The following ZNF724 variants were observed in gnomAD, a reference collection of about 807,000 sequenced individuals.
ZNF724 encodes the protein zinc finger protein 724, also known as zinc finger protein 724 pseudogene.
A neutral mutation model predicts 29.3 loss-of-function variants in ZNF724; 14 were observed. That is an observed-to-expected ratio of 0.48 (90% CI 0.32 to 0.75). The LOEUF (loss-of-function observed/expected upper bound fraction) is 0.75, where lower values mean the gene tolerates loss of function less well. Among genes scored for constraint, ZNF724 ranks in the 30% least tolerant of loss-of-function variants. The pLI, the probability that ZNF724 is intolerant of heterozygous loss-of-function variation, is 0.04. For synonymous variants in ZNF724, 180 were observed against 193.6 expected, an observed-to-expected ratio of 0.93 and a Z score of 0.58; for missense variants, 557 against 571.2, an observed-to-expected ratio of 0.98 and a Z score of 0.25.
intron 3 of ZNF724, among the ~76,000 whole-genome samples, chr19:23,226,589 C>T (rs933493844): frequency 6.6e-6 from 1 of 152,110 alleles, no homozygotes; most frequent in African/African-American, 2.4e-5. Context: ...CAAAAATTAA[C>T]TTCAAATAAC....
At chr19:23,232,115 C>G in intron 2 of ZNF724, 52 bp downstream of exon 2, 1 of 1,220,362 alleles carries the variant, frequency 8.2e-7, no homozygotes, top group Non-Finnish European at 1.2e-6. Flanking sequence ...TACAAAAAAA[C>G]AAACGAAATA....
At position 23,222,256 on chromosome 19, in the gene ZNF724, C is replaced by T. The variant is rs973253059; in HGVS notation, c.*129G>A. 9.6e-5 allele frequency: 58 copies of T among 607,324 alleles called. No homozygotes were observed. In the Admixed American group the frequency reaches 1.0e-3, roughly 11 times the overall value. 37.6% of individuals were successfully genotyped at this position (607,324 alleles called of 1,614,324 possible). ...CACTGTTATATCTTTCAGGTTTGTA[C>T]GGTTTCTCTCCAGTAATTCTCTTCG... On this transcript the variant is annotated 3_prime_UTR_variant, in exon 4 of 4. Coordinates refer to ENST00000418100, the MANE Select transcript of ZNF724 (RefSeq NM_001355404.2).
Position 23,231,302 on chromosome 19 carries a change from TC to T in ZNF724, c.189del (p.Trp63Ter). ...GCCACCATCTCATGTCTCTCCATATTCCAGGGCTCTTTGCCTTGCTCCAGAC... is the reference window on the plus strand; with the variant it reads ...GCCACCATCTCATGTCTCTCCATATTCAGGGCTCTTTGCCTTGCTCCAGAC... The part of the protein sequence containing the change: ...ITCLEQGKEP[W>X]NMERHEMVAK... On this transcript the variant is annotated frameshift_variant, in exon 3 of 4. Transcript: ENST00000418100. LOFTEE classifies it low-confidence loss of function (END_TRUNC). 7.2e-7 allele frequency: 1 copy of T among 1,386,866 alleles called. No individual in the cohort carries two copies. Among genetic ancestry groups the T allele is most frequent in the Non-Finnish European group, 1.0e-6 (1 of 975,372 alleles). The allele number at this position is 1,386,866 out of a possible 1,614,324, so 85.9% of individuals were successfully genotyped here. A position where few individuals can be genotyped will look rare whatever the true frequency, so the allele number is the denominator to read the frequency against.
chr19:23,245,926 G>A lies in ZNF724; in HGVS notation c.3+4314C>T, dbSNP rs912184067. On this transcript the variant is annotated intron_variant, in intron 1 of 3. Coordinates refer to ENST00000418100, the MANE Select transcript of ZNF724 (RefSeq NM_001355404.2). ...TCCATCTTAACTGCATCTGTCTGTG[G>A]GTCCTCAGCTTTCCATGGCTCTATA... 4.6e-5 allele frequency among the ~76,000 whole-genome samples: 7 copies of A among 152,066 alleles called. No individual in the cohort carries two copies. The South Asian group carries it at 6.2e-4, about 14-fold the overall frequency.
At chr19:23,227,166 G>T (rs1431138251) in intron 3 of ZNF724, among the ~76,000 whole-genome samples, 2 of 152,108 alleles carry the variant, frequency 1.3e-5, no homozygotes. Flanking sequence ...ACTCTAATGA[G>T]AAACTTTTAA....
At chr19:23,235,555 G>A (rs1224073867) in intron 1 of ZNF724, among the ~76,000 whole-genome samples, 1 of 152,032 alleles carries the variant, frequency 6.6e-6, no homozygotes, top group Non-Finnish European at 1.5e-5. Context: ...TCAGAAAATT[G>A]TGAGCACCAG....
rs1164171406 is a variant in ZNF724 at position 23,249,390 on chromosome 19, G to A, written c.3+850C>T. Among the ~76,000 whole-genome samples, 6 of 144,730 alleles carry A rather than the reference G, an allele frequency of 4.1e-5. No individual in the cohort carries two copies. The East Asian group carries it at 8.7e-4, about 21-fold the overall frequency. The allele number at this position is 144,730 out of a possible 152,430, so 94.9% of individuals were successfully genotyped here. A position where few individuals can be genotyped will look rare whatever the true frequency, so the allele number is the denominator to read the frequency against. On this transcript the variant is annotated intron_variant, in intron 1 of 3. Coordinates refer to ENST00000418100, the MANE Select transcript of ZNF724 (RefSeq NM_001355404.2). ...CGAGTGGCTGGGATTACAAGCATGCGCCACTATGCCCGGCTTTTTTTTTTT... is the reference window on the plus strand; with the variant it reads ...CGAGTGGCTGGGATTACAAGCATGCACCACTATGCCCGGCTTTTTTTTTTT...
rs779220381 is a variant in ZNF724, at chr19:23,222,472, T to C, written c.1773A>G (p.Lys591=). 2 of 1,300,066 alleles carry C rather than the reference T, an allele frequency of 1.5e-6. No homozygotes were observed. The highest frequency in any genetic ancestry group is 2.2e-6 in the Non-Finnish European group (2 of 895,136). The allele number at this position is 1,300,066 out of a possible 1,614,324, so 80.5% of individuals were successfully genotyped here. A position where few individuals can be genotyped will look rare whatever the true frequency, so the allele number is the denominator to read the frequency against. The change falls in exon 4 of 4, where the codon AAA becomes AAG. Residue 591 remains lysine (K), a synonymous_variant. Transcript: ENST00000418100. ...TAAAAGCTTTGCCACATTCTTTACA[T>C]TTGTAGGGTTTCTCTCCAGTATGAA... ...KVIHTGEKPY[K]CKECGKAFNQ...
intron 1 of ZNF724, among the ~76,000 whole-genome samples, chr19:23,232,790 A>G (rs1435996522): frequency 7.4e-6 from 1 of 134,922 alleles, no homozygotes; most frequent in African/African-American, 2.8e-5. Flanking sequence ...TATTTTATCA[A>G]ACATCCAACA....
intron 2 of ZNF724, 52 bp downstream of exon 2, chr19:23,232,115 C>A: frequency 1.6e-6 from 2 of 1,220,358 alleles, no homozygotes; most frequent in South Asian, 2.5e-5. Context: ...TACAAAAAAA[C>A]AAACGAAATA....
intron 1 of ZNF724, among the ~76,000 whole-genome samples, chr19:23,232,855 CA>C (rs1488405055): frequency 6.6e-6 from 1 of 151,978 alleles, no homozygotes; most frequent in Non-Finnish European, 1.5e-5. Flanking sequence ...AGAGAGATGA[CA>C]GCCTTCATTT....
At position 23,242,573 on chromosome 19, in the gene ZNF724, G is replaced by A. The variant is rs1972144717; in HGVS notation, c.3+7667C>T. On this transcript the variant is annotated intron_variant, in intron 1 of 3. Coordinates refer to ENST00000418100, the MANE Select transcript of ZNF724 (RefSeq NM_001355404.2). The stretch of plus-strand genomic sequence containing the variant: ...TACTAAAAACACAAAAATTAGCTGG[G>A]CTTGGTGGCACGTACCTGTAATCCC... 1.3e-5 allele frequency: 2 copies of A among 151,276 alleles called. 1 individual carries two copies. The highest frequency in any genetic ancestry group is 4.2e-4 in the South Asian group (2 of 4,782). The allele number at this position is 151,276 out of a possible 1,614,324, so 9.4% of individuals were successfully genotyped here.
intron 1 of ZNF724, among the ~76,000 whole-genome samples, chr19:23,234,224 T>TA (rs1205610764): frequency 1.3e-5 from 2 of 152,130 alleles, no homozygotes; most frequent in African/African-American, 4.8e-5. Flanking sequence ...GGCCTTACCT[T>TA]AGAGTCACAT....
chr19:23,222,289 G>A lies in ZNF724; in HGVS notation c.*96C>T. 1 of 630,622 alleles carries A rather than the reference G, an allele frequency of 1.6e-6. No homozygotes were observed. The highest frequency in any genetic ancestry group is 2.7e-5 in the East Asian group (1 of 36,654). 39.1% of individuals were successfully genotyped at this position (630,622 alleles called of 1,614,324 possible). On this transcript the variant is annotated 3_prime_UTR_variant, in exon 4 of 4. Transcript: ENST00000418100. ...CTCCAGTAATTCTCTTCGTTGGCCAGGATGGTCTCAATCTCTTGATCTTGT... is the reference window on the plus strand; with the variant it reads ...CTCCAGTAATTCTCTTCGTTGGCCAAGATGGTCTCAATCTCTTGATCTTGT...
chr19:23,243,448 C>T (rs1456343370), intron 1 of ZNF724, among the ~76,000 whole-genome samples: 4 of 127,010 alleles, frequency 3.1e-5, no homozygotes, highest in Non-Finnish European at 4.7e-5. Context: ...TGCACTCCAG[C>T]CTGAGTGACA....
chr19:23,226,787 C>T (rs1311978041), intron 3 of ZNF724, among the ~76,000 whole-genome samples: 2 of 152,046 alleles, frequency 1.3e-5, no homozygotes, highest in South Asian at 2.1e-4. Context: ...AAAACACACA[C>T]ATATATAATC....
At chr19:23,241,321 A>C (rs1012600137) in intron 1 of ZNF724, among the ~76,000 whole-genome samples, 1 of 152,104 alleles carries the variant, frequency 6.6e-6, no homozygotes, top group Non-Finnish European at 1.5e-5. Context: ...ACCAAGTATA[A>C]AAAGAAAAGC....
At chr19:23,237,977 T>G (rs1972050600) in intron 1 of ZNF724, among the ~76,000 whole-genome samples, 1 of 152,184 alleles carries the variant, frequency 6.6e-6, no homozygotes, top group Non-Finnish European at 1.5e-5. Flanking sequence ...TCTTTATCAT[T>G]CTGTATTGCT....
rs1971929910 is a variant in ZNF724, at chr19:23,231,281, C to T, written c.211G>A (p.Val71Met). 2 of 1,359,604 alleles carry T rather than the reference C, an allele frequency of 1.5e-6. No individual in the cohort carries two copies. The highest frequency in any genetic ancestry group is 2.1e-6 in the Non-Finnish European group (2 of 952,150). 84.2% of individuals were successfully genotyped at this position (1,359,604 alleles called of 1,614,324 possible). Residue 71 changes from valine (V) to methionine (M), a missense_variant, in exon 3 of 4, where the codon GTG becomes ATG. Physicochemically the swap from Val to Met is conservative, Grantham distance 21. This residue lies in a region of ZNF724 where 362 missense variants were observed against 295.5 expected (regional missense o/e 1.22). Coordinates refer to ENST00000418100, the MANE Select transcript of ZNF724 (RefSeq NM_001355404.2). Reference protein sequence around the residue: ...EPWNMERHEMVAKPPGMCCYF... With the variant: ...EPWNMERHEMMAKPPGMCCYF... The stretch of plus-strand genomic sequence containing the variant: ...TCTCACCTACCTGGGGGTTTGGCCA[C>T]CATCTCATGTCTCTCCATATTCCAG...
Sources: allele counts gnomAD v4.1 joint callset (sites outside exome capture counted in the v4.1 genomes callset), GRCh38; gene constraint gnomAD v4.1.1; regional missense constraint gnomAD v4.1.1; transcripts MANE v1.5; gene names NCBI Gene and HGNC (gene_info 2026-07-23, HGNC 2026-07-21).